NRDE2: variants seen among roughly 807,000 people sequenced by gnomAD.
The protein encoded by NRDE2 is nuclear exosome regulator NRDE2.
NRDE2 carries 76 observed loss-of-function variants against 124.2 expected under a neutral mutation model. That is an observed-to-expected ratio of 0.61 (90% CI 0.51 to 0.74). NRDE2 has a LOEUF of 0.74. NRDE2 is among the 30% of genes least tolerant of loss of function. The pLI, the probability that NRDE2 is intolerant of heterozygous loss-of-function variation, is 0.00. For synonymous variants in NRDE2, 489 were observed against 528.1 expected (o/e 0.93, Z 1.01); for missense variants, 1,314 against 1,417.3 (o/e 0.93, Z 1.17).
chr14:90,301,760 A>G, intron 6 of NRDE2: 1 of 456,588 alleles, frequency 2.2e-6, no homozygotes, highest in Non-Finnish European at 4.4e-6. Context: ...TGATCACTAG[A>G]TGGCATTACT....
At chr14:90,299,483 C>T (rs567628352) in intron 7 of NRDE2, among the ~76,000 whole-genome samples, 6 of 152,290 alleles carry the variant, frequency 3.9e-5, no homozygotes, top group African/African-American at 9.6e-5. Context: ...TGAACAGAAA[C>T]GTGATCATGT....
In NRDE2 at chr14:90,290,237, T is replaced by C. The variant is rs1293930797; in HGVS notation, c.2213A>G (p.Gln738Arg). ...EKSQLCFSWL[Q>R]YEIAKVIWCL... ...TGGAATTACCTTTGCAATCTCATAC[T>C]GTAACCAGGAGAAGCAGAGCTGGGA... The change falls in exon 10 of 14, where the codon CAG (glutamine) becomes CGG (arginine). Residue 738 changes from glutamine (Q) to arginine (R), a missense_variant. By Grantham distance (43) the Gln-to-Arg change is conservative. Coordinates refer to ENST00000354366, the MANE Select transcript of NRDE2 (RefSeq NM_017970.4). The C allele has an allele frequency of 3.1e-6, 5 of 1,613,820 alleles. No individual in the cohort carries two copies. In the South Asian group the frequency reaches 3.3e-5, roughly 11 times the overall value.
intron 7 of NRDE2, among the ~76,000 whole-genome samples, chr14:90,299,400 G>A (rs112154500): frequency 0.039 from 1,112 of 28,276 alleles, 21 homozygotes; most frequent in African/African-American, 0.063. Flanking sequence ...TCATTCATTC[G>A]AGCATTAGGT....
rs918587428 is a variant in NRDE2, at chr14:90,272,193, C to T, written c.*6143G>A. On this transcript the variant is annotated 3_prime_UTR_variant, in exon 14 of 14. Transcript: ENST00000354366. This position sits in a 1 kb window ranked among gnomAD's most constrained non-coding sequence, Gnocchi z 4.5. ...ACAGGTGTGAGCCACCGCGCCTGGC[C>T]TCAGAATAGGTTTTTTGGAATTCCT... 3.9e-6 allele frequency: 6 copies of T among 1,544,658 alleles called. No individual in the cohort carries two copies. The highest frequency in any genetic ancestry group is 5.3e-6 in the Non-Finnish European group (6 of 1,141,476).
At chr14:90,325,530 C>G (rs1595079746) in intron 1 of NRDE2, among the ~76,000 whole-genome samples, 1 of 151,822 alleles carries the variant, frequency 6.6e-6, no homozygotes, top group Admixed American at 6.6e-5. Flanking sequence ...GGCCTCTTTG[C>G]TTTTTTTTGT....
chr14:90,288,887 G>A lies in NRDE2; in HGVS notation c.2488C>T (p.Leu830=). ...ACTTCTGGCGACAGCTCCACCTCCA[G>A]CTCAGCATAGAGCAGACTGAGCTCA... is the stretch of plus-strand genomic sequence containing the variant. ...LCELSLLYAE[L]EVELSPEVRR... Residue 830 remains leucine, a synonymous_variant, in exon 11 of 14, where the codon CTG becomes TTG. Coordinates refer to ENST00000354366, the MANE Select transcript of NRDE2 (RefSeq NM_017970.4). 1 of 1,614,166 alleles carries A rather than the reference G, an allele frequency of 6.2e-7. No homozygotes were observed. Among genetic ancestry groups the A allele is most frequent in the Non-Finnish European group, 8.5e-7 (1 of 1,180,036 alleles).
At position 90,279,436 on chromosome 14, in the gene NRDE2, TAGTAAC is replaced by T. The variant is rs1248341146; in HGVS notation, c.3298-309_3298-304del. The stretch of plus-strand genomic sequence containing the variant: ...GCTGTAGGCTGTCACCTCTGGGTGT[TAGTAAC>T]AGTGCTTGAAACCAAGGAGTGTCAG... On this transcript the variant is annotated intron_variant, in intron 12 of 13. Transcript: ENST00000354366. 3.1e-5 allele frequency: 9 copies of T among 292,678 alleles called. No homozygotes were observed. The East Asian group carries it at 3.4e-4, about 11-fold the overall frequency. 18.1% of individuals were successfully genotyped at this position (292,678 alleles called of 1,614,324 possible).
At chr14:90,298,610 T>G (rs1389005724) in intron 7 of NRDE2, among the ~76,000 whole-genome samples, 1 of 152,162 alleles carries the variant, frequency 6.6e-6, no homozygotes, top group Non-Finnish European at 1.5e-5. Flanking sequence ...GCCTTGTGGT[T>G]TTCACACTCG....
chr14:90,286,560 G>A (rs1303924010), intron 11 of NRDE2, 68 bp from the exon 12 acceptor site: 2 of 1,554,014 alleles, frequency 1.3e-6, no homozygotes, highest in Non-Finnish European at 1.7e-6. Context: ...AGGAAGAGAT[G>A]CCTGAGTGAT....
intron 2 of NRDE2, 148 bp from the exon 3 acceptor site, chr14:90,316,959 C>G: frequency 6.5e-6 from 4 of 611,732 alleles, no homozygotes; most frequent in Non-Finnish European, 8.5e-6. Context: ...CAGTAACTTA[C>G]TGGATTACAC....
rs768445008 is a variant in NRDE2, at chr14:90,288,957, T to C, written c.2418A>G (p.Ala806=). 5 of 1,612,214 alleles carry C rather than the reference T, an allele frequency of 3.1e-6. No homozygotes were observed. The Admixed American group carries it at 5.0e-5, about 16-fold the overall frequency. Residue 806 remains alanine (A), a synonymous_variant, in exon 11 of 14, where the codon GCA becomes GCG. Coordinates refer to ENST00000354366, the MANE Select transcript of NRDE2 (RefSeq NM_017970.4). ...TEDARKVFDT[A]LGMAGSRELK... Reference sequence around the variant, plus strand: ...GTTCTCTGCTTCCTGCCATGCCAAGTGCTGTGTCAAAAACTTTTCTGGCAT... The same window carrying C: ...GTTCTCTGCTTCCTGCCATGCCAAGCGCTGTGTCAAAAACTTTTCTGGCAT...
intron 4 of NRDE2, among the ~76,000 whole-genome samples, chr14:90,308,104 A>T (rs182419918): frequency 6.6e-6 from 1 of 152,184 alleles, no homozygotes; most frequent in Non-Finnish European, 1.5e-5. Context: ...GGGTTAGATA[A>T]GTTTAAATTA....
At chr14:90,324,900 A>T (rs1885364172) in intron 1 of NRDE2, among the ~76,000 whole-genome samples, 1 of 152,176 alleles carries the variant, frequency 6.6e-6, no homozygotes, top group Non-Finnish European at 1.5e-5. Flanking sequence ...TTAAATAAGG[A>T]CATTTAAAAG....
intron 4 of NRDE2, among the ~76,000 whole-genome samples, chr14:90,306,284 T>C (rs1342280936): frequency 2.6e-5 from 4 of 152,216 alleles, no homozygotes; most frequent in African/African-American, 9.6e-5. Flanking sequence ...CCCTCACCTC[T>C]GTGGCTTCTC....
chr14:90,274,655 T>C lies in NRDE2; in HGVS notation c.*3681A>G, dbSNP rs1170648723. On this transcript the variant is annotated 3_prime_UTR_variant, in exon 14 of 14. Coordinates refer to ENST00000354366, the MANE Select transcript of NRDE2 (RefSeq NM_017970.4). ...AGAAAGCAAGGGAGTGCTCAAGGAA[T>C]GATAAGGACATGTCCTAAGGACACC... 1 of 152,146 alleles carries C rather than the reference T, an allele frequency of 6.6e-6. No individual in the cohort carries two copies. The highest frequency in any genetic ancestry group is 1.5e-5 in the Non-Finnish European group (1 of 68,050). The allele number at this position is 152,146 out of a possible 1,614,324, so 9.4% of individuals were successfully genotyped here.
intron 8 of NRDE2, among the ~76,000 whole-genome samples, chr14:90,296,171 C>CA (rs879817387): frequency 6.6e-6 from 1 of 151,996 alleles, no homozygotes; most frequent in Non-Finnish European, 1.5e-5. Context: ...CAAACAAAAC[C>CA]AAAAAACAAA....
At position 90,298,313 on chromosome 14, in the gene NRDE2, C is replaced by T. The variant is rs1414992132; in HGVS notation, c.1613G>A (p.Trp538Ter). ...PRAGEKGARG[W>*]KAWMHQQERG... ...TTCCTGCTGGTGCATCCACGCCTTC[C>T]AGCCTCGGGCTCCCTTCTCCCCAGC... The change falls in exon 8 of 14, where the codon TGG becomes TAG. Residue 538 changes from tryptophan (W) to a stop codon, truncating the protein, a stop_gained. Transcript: ENST00000354366. LOFTEE classifies it high-confidence loss of function. 6.2e-7 allele frequency: 1 copy of T among 1,613,600 alleles called. No homozygotes were observed. Among genetic ancestry groups the T allele is most frequent in the Non-Finnish European group, 8.5e-7 (1 of 1,179,984 alleles).
chr14:90,292,579 G>A (rs1429967715), intron 9 of NRDE2, 118 bp downstream of exon 9: 2 of 1,105,682 alleles, frequency 1.8e-6, no homozygotes, highest in East Asian at 2.4e-5. Flanking sequence ...CATCTCCTAA[G>A]CTAGCCAACT....
chr14:90,299,095 G>C (rs556730520), intron 7 of NRDE2, among the ~76,000 whole-genome samples: 2 of 152,158 alleles, frequency 1.3e-5, no homozygotes, highest in South Asian at 2.1e-4. Flanking sequence ...GCCCAGGCTG[G>C]AGTGCAGTGG....
Sources: allele counts gnomAD v4.1 joint callset (sites outside exome capture counted in the v4.1 genomes callset), GRCh38; gene constraint gnomAD v4.1.1; non-coding constraint Gnocchi (gnomAD v3.1); transcripts MANE v1.5; gene names NCBI Gene and HGNC (gene_info 2026-07-23, HGNC 2026-07-21).